SPATA7: variants seen among roughly 807,000 people sequenced by gnomAD.
SPATA7 encodes the protein spermatogenesis-associated protein 7.
In SPATA7, 43 loss-of-function variants were observed where a neutral mutation model predicts 51.8. The ratio of observed to expected loss-of-function variants is 0.83; its 90% CI spans 0.65 to 1.07. The LOEUF is 1.07. Ranked by LOEUF, SPATA7 falls within the 50% of genes least tolerant of loss-of-function variation. The probability of loss-of-function intolerance (pLI) is 0.00; values close to 1 mark genes in which losing one functional copy is unlikely to be tolerated. For synonymous variants in SPATA7, 230 were observed against 252.8 expected, an observed-to-expected ratio of 0.91 and a Z score of 0.86; for missense variants, 683 against 701.3, an observed-to-expected ratio of 0.97 and a Z score of 0.30.
intron 4 of SPATA7, among the ~76,000 whole-genome samples, chr14:88,461,316 A>G (rs186609235): frequency 4.7e-4 from 71 of 152,338 alleles, no homozygotes; most frequent in African/African-American, 1.7e-3. Context: ...GGTGGAGTCT[A>G]CAGAGGCAGG....
chr14:88,399,849 A>G (rs1446581786), intron 4 of SPATA7, among the ~76,000 whole-genome samples: 2 of 152,208 alleles, frequency 1.3e-5, no homozygotes, highest in Non-Finnish European at 2.9e-5. Flanking sequence ...TTGTGGACAA[A>G]TCTGAGGGAG....
chr14:88,411,216 T>TC (rs1199395146), intron 4 of SPATA7, among the ~76,000 whole-genome samples: 2 of 151,856 alleles, frequency 1.3e-5, no homozygotes, highest in Admixed American at 1.3e-4. Flanking sequence ...TGGATGCCCC[T>TC]CCCCCCACCA....
intron 3 of SPATA7, among the ~76,000 whole-genome samples, chr14:88,394,126 A>G (rs564290659): frequency 7.0e-4 from 107 of 152,308 alleles, no homozygotes; most frequent in Middle Eastern, 3.4e-3. Context: ...TAGACAAACA[A>G]TCATTTTCAA....
Position 88,469,016 on chromosome 14 carries a change from C to T in SPATA7, c.255-831C>T, listed in dbSNP as rs61746983. On this transcript the variant is annotated intron_variant, in intron 4 of 4. Coordinates refer to the SPATA7 transcript ENST00000556406. The surrounding 1 kb of genome is among the most constrained non-coding windows in gnomAD (Gnocchi z 4.3). ...GTGGACCAACAACGGAGGGTTGGGG[C>T]TTTGGGGATCACTTGTGCTATTTGT... The T allele has an allele frequency of 1.4e-3, 2,330 of 1,614,178 alleles. 17 individuals carry two copies. The African/African-American group carries it at 0.028, about 19-fold the overall frequency.
At chr14:88,450,992 T>A (rs960115138) in intron 3 of SPATA7, among the ~76,000 whole-genome samples, 6 of 152,196 alleles carry the variant, frequency 3.9e-5, no homozygotes, top group African/African-American at 1.2e-4. Context: ...TTGATCATTT[T>A]AAAAAATTCT....
At chr14:88,418,977 A>T (rs1163009399) in intron 5 of SPATA7, among the ~76,000 whole-genome samples, 2 of 152,150 alleles carry the variant, frequency 1.3e-5, no homozygotes, top group South Asian at 2.1e-4. Context: ...ACAATTTTTT[A>T]AAAATGTCCT....
chr14:88,426,885 A>G (rs2076809497), intron 6 of SPATA7, among the ~76,000 whole-genome samples, 181 bp downstream of exon 6: 1 of 152,228 alleles, frequency 6.6e-6, no homozygotes, highest in African/African-American at 2.4e-5. Context: ...AATTGCTGAA[A>G]AATAGCTATT....
At chr14:88,393,029 G>A (rs142680258) in intron 2 of SPATA7, among the ~76,000 whole-genome samples, 6 of 152,122 alleles carry the variant, frequency 3.9e-5, no homozygotes, top group South Asian at 2.1e-4. Flanking sequence ...CTGAAATTCC[G>A]TTGATTAAGT....
At chr14:88,402,484 A>C (rs552320363) in intron 4 of SPATA7, among the ~76,000 whole-genome samples, 3 of 152,352 alleles carry the variant, frequency 2.0e-5, no homozygotes, top group Admixed American at 1.3e-4. Context: ...ACCCAGAAAT[A>C]AATCCATGTG....
chr14:88,431,864 ATC>A (rs1363297735), intron 9 of SPATA7, among the ~76,000 whole-genome samples: 1 of 152,174 alleles, frequency 6.6e-6, no homozygotes, highest in East Asian at 1.9e-4. Context: ...GTGAACACTA[ATC>A]TCTCTTACAA....
rs368691881 is a variant in SPATA7 at position 88,393,516 on chromosome 14, G to A, written c.190+28G>A. 4 of 1,502,312 alleles carry A rather than the reference G, an allele frequency of 2.7e-6. No homozygotes were observed. In the African/African-American group the frequency reaches 4.1e-5, roughly 16 times the overall value. 93.1% of individuals were successfully genotyped at this position (1,502,312 alleles called of 1,614,324 possible). A position where few individuals can be genotyped will look rare whatever the true frequency, so the allele number is the denominator to read the frequency against. On this transcript the variant is annotated intron_variant, in intron 3 of 11. Transcript: ENST00000393545. ...AAAAATGTGCAAATGTGAACTCTCT[G>A]TACTCAATTTAAACCTCCAGCTTCA...
chr14:88,437,682 T>C (rs569829495), intron 11 of SPATA7, 85 bp downstream of exon 11: 2 of 1,354,202 alleles, frequency 1.5e-6, no homozygotes, highest in East Asian at 4.7e-5. Flanking sequence ...AACAATACAT[T>C]AAAAGCAAGT....
intron 4 of SPATA7, among the ~76,000 whole-genome samples, chr14:88,461,405 A>G (rs936713900): frequency 1.3e-5 from 2 of 152,126 alleles, no homozygotes; most frequent in Admixed American, 6.5e-5. Flanking sequence ...AGCCTCAGCA[A>G]TGGTGGATGC....
At chr14:88,392,784 T>C (rs1437528659) in intron 2 of SPATA7, among the ~76,000 whole-genome samples, 1 of 152,204 alleles carries the variant, frequency 6.6e-6, no homozygotes, top group Non-Finnish European at 1.5e-5. Context: ...TTTATACTTG[T>C]GTGTAAGTGC....
chr14:88,421,013 A>G (rs952703112), intron 5 of SPATA7, among the ~76,000 whole-genome samples: 1 of 152,064 alleles, frequency 6.6e-6, no homozygotes, highest in East Asian at 1.9e-4. Flanking sequence ...GCTACTCGGG[A>G]GGCTGAGGCA....
chr14:88,425,649 G>GT (rs2076768905), intron 5 of SPATA7, among the ~76,000 whole-genome samples: 1 of 151,832 alleles, frequency 6.6e-6, no homozygotes, highest in African/African-American at 2.4e-5. Flanking sequence ...CCTTTTCATA[G>GT]TATTACCCCC....
intron 4 of SPATA7, among the ~76,000 whole-genome samples, chr14:88,414,275 AT>A (rs1028255661): frequency 6.6e-6 from 1 of 152,002 alleles, no homozygotes; most frequent in African/African-American, 2.4e-5. Flanking sequence ...TTTCTTCTGA[AT>A]TCAATATTGG....
chr14:88,437,620 A>G (rs1022657795), intron 11 of SPATA7, 23 bp downstream of exon 11: 2 of 1,540,694 alleles, frequency 1.3e-6, no homozygotes, highest in South Asian at 1.1e-5. Flanking sequence ...TTATAACTTC[A>G]TTAGAAAAAT....
chr14:88,423,872 T>C (rs2076716057), intron 5 of SPATA7, among the ~76,000 whole-genome samples: 7 of 152,206 alleles, frequency 4.6e-5, no homozygotes, highest in Admixed American at 4.6e-4. Flanking sequence ...TCTTCAAGTG[T>C]TTAAAAATCC....
Sources: allele counts gnomAD v4.1 joint callset (sites outside exome capture counted in the v4.1 genomes callset), GRCh38; gene constraint gnomAD v4.1.1; non-coding constraint Gnocchi (gnomAD v3.1); transcripts MANE v1.5; gene names NCBI Gene and HGNC (gene_info 2026-07-23, HGNC 2026-07-21).